Variants in AP1S3 observed in about 807,000 individuals in gnomAD.
The protein encoded by AP1S3 is AP-1 complex subunit sigma-3.
AP1S3 carries 10 observed loss-of-function variants against 20.9 expected under a neutral mutation model. That is an observed-to-expected ratio of 0.48 (90% confidence interval 0.29 to 0.81). The LOEUF (loss-of-function observed/expected upper bound fraction) is 0.81, where lower values mean the gene tolerates loss of function less well. Ranked by LOEUF, AP1S3 falls within the 30% of genes least tolerant of loss-of-function variation. The pLI, the probability that AP1S3 is intolerant of heterozygous loss-of-function variation, is 0.08. For synonymous variants in AP1S3, 41 were observed against 61.5 expected (o/e 0.67, Z 1.56); for missense variants, 154 against 183.8 (o/e 0.84, Z 0.94).
intron 1 of AP1S3, among the ~76,000 whole-genome samples, chr2:223,830,094 C>T (rs1692224866): frequency 6.6e-6 from 1 of 152,024 alleles, no homozygotes; most frequent in African/African-American, 2.4e-5. Flanking sequence ...GGAGGGTAGC[C>T]TAAGCTGCAA....
intron 1 of AP1S3, among the ~76,000 whole-genome samples, chr2:223,810,654 G>A (rs1455276891): frequency 6.6e-6 from 1 of 151,876 alleles, no homozygotes; most frequent in Non-Finnish European, 1.5e-5. Flanking sequence ...TTTGCACCTG[G>A]CCCAGGGAAG....
At chr2:223,806,434 C>T (rs1398909807) in intron 1 of AP1S3, among the ~76,000 whole-genome samples, 1 of 151,930 alleles carries the variant, frequency 6.6e-6, no homozygotes, top group Non-Finnish European at 1.5e-5. Context: ...CAGGCGCTCG[C>T]CACCACGCCC....
chr2:223,770,468 T>C (rs1453077783), intron 3 of AP1S3: 1 of 1,256,416 alleles, frequency 8.0e-7, no homozygotes, highest in Non-Finnish European at 1.1e-6. Context: ...AAGGGTAAGG[T>C]AAGGTGGTAT....
intron 1 of AP1S3, among the ~76,000 whole-genome samples, chr2:223,789,459 C>A (rs1691158883): frequency 6.6e-6 from 1 of 151,970 alleles, no homozygotes; most frequent in Admixed American, 6.6e-5. Flanking sequence ...ATCACTTGAG[C>A]CCAGGAGTTC....
chr2:223,758,809 T>C, intron 4 of AP1S3, 59 bp from the exon 5 acceptor site: 1 of 1,419,302 alleles, frequency 7.0e-7, no homozygotes, highest in Admixed American at 2.0e-5. Flanking sequence ...TTCCGCAGAC[T>C]GTGAAATCTT....
At chr2:223,814,891 C>T (rs1020333533) in intron 1 of AP1S3, among the ~76,000 whole-genome samples, 1 of 152,156 alleles carries the variant, frequency 6.6e-6, no homozygotes, top group African/African-American at 2.4e-5. Flanking sequence ...ATCCTCCTGC[C>T]TTAGCCTCCC....
chr2:223,836,707 C>T (rs1467922687), intron 1 of AP1S3, among the ~76,000 whole-genome samples: 1 of 152,126 alleles, frequency 6.6e-6, no homozygotes, highest in Non-Finnish European at 1.5e-5. Flanking sequence ...TCAGCCTGGG[C>T]GACAGAGCGA....
At chr2:223,776,193 G>A (rs1007271721) in intron 2 of AP1S3, 184 bp from the exon 3 acceptor site, 205 of 692,222 alleles carry the variant, frequency 3.0e-4, no homozygotes, top group Admixed American at 1.2e-4. Flanking sequence ...AAAATTCTGT[G>A]GGGGTTGGAT....
At chr2:223,801,032 C>T (rs923692117) in intron 1 of AP1S3, among the ~76,000 whole-genome samples, 1 of 151,892 alleles carries the variant, frequency 6.6e-6, no homozygotes, top group Non-Finnish European at 1.5e-5. Flanking sequence ...AGCTAAAACC[C>T]CTACTGTTCA....
chr2:223,827,808 C>T (rs1223538908), intron 1 of AP1S3, among the ~76,000 whole-genome samples: 1 of 150,744 alleles, frequency 6.6e-6, no homozygotes, highest in Non-Finnish European at 1.5e-5. Flanking sequence ...CACTGTAATC[C>T]CATCACTTTG....
intron 1 of AP1S3, among the ~76,000 whole-genome samples, chr2:223,834,849 CA>C (rs200468811): frequency 6.1e-5 from 9 of 148,174 alleles, no homozygotes; most frequent in Middle Eastern, 3.4e-3. Flanking sequence ...TTTTCCAAAG[CA>C]AAAAAAAAAT....
At chr2:223,822,015 C>T (rs892307829) in intron 1 of AP1S3, among the ~76,000 whole-genome samples, 6 of 152,038 alleles carry the variant, frequency 3.9e-5, no homozygotes, top group Admixed American at 3.9e-4. Flanking sequence ...AAACGAAGTC[C>T]CCTCATCGTC....
intron 1 of AP1S3, among the ~76,000 whole-genome samples, chr2:223,825,507 G>A (rs993562540): frequency 6.6e-6 from 1 of 151,886 alleles, no homozygotes; most frequent in Non-Finnish European, 1.5e-5. Context: ...ACCCTTCCAG[G>A]CTCAGCCCCA....
At chr2:223,787,850 G>C (rs946078119) in intron 1 of AP1S3, among the ~76,000 whole-genome samples, 6 of 152,186 alleles carry the variant, frequency 3.9e-5, no homozygotes, top group African/African-American at 1.4e-4. Flanking sequence ...GAACCTCTTA[G>C]CACAGCTTGC....
chr2:223,837,333 G>A (rs1692427472), intron 1 of AP1S3, 115 bp downstream of exon 1: 3 of 460,452 alleles, frequency 6.5e-6, no homozygotes, highest in African/African-American at 2.1e-5. Context: ...GTGGCCAGGC[G>A]GGACTCGGCC....
intron 1 of AP1S3, among the ~76,000 whole-genome samples, chr2:223,793,328 C>A (rs150151462): frequency 6.6e-6 from 1 of 152,224 alleles, no homozygotes; most frequent in East Asian, 1.9e-4. Context: ...AACCTAAATG[C>A]CTATCAATGA....
chr2:223,833,967 G>A (rs893077777), intron 1 of AP1S3, among the ~76,000 whole-genome samples: 1 of 151,940 alleles, frequency 6.6e-6, no homozygotes, highest in Non-Finnish European at 1.5e-5. Context: ...GGAGTGCAAT[G>A]GCACGATCTT....
intron 1 of AP1S3, among the ~76,000 whole-genome samples, chr2:223,824,374 G>A (rs919277383): frequency 6.6e-6 from 1 of 152,094 alleles, no homozygotes; most frequent in Non-Finnish European, 1.5e-5. Flanking sequence ...AGAGACAAAA[G>A]ACATACACAG....
chr2:223,831,550 G>T (rs7558186), intron 1 of AP1S3, among the ~76,000 whole-genome samples: 73,495 of 151,958 alleles, frequency 0.48, 17,864 homozygotes, highest in Middle Eastern at 0.57. Flanking sequence ...TAGATTATGG[G>T]GGAGCTTCAA....
Sources: gnomAD v4.1 joint callset for allele counts (sites outside exome capture counted in the v4.1 genomes callset) on GRCh38, gnomAD v4.1.1 for gene constraint, MANE v1.5 for transcripts, NCBI Gene and HGNC (gene_info 2026-07-23, HGNC 2026-07-21) for gene names.